The following ACCSL variants were observed in gnomAD, a reference collection of about 807,000 sequenced individuals.
ACCSL encodes the protein probable inactive 1-aminocyclopropane-1-carboxylate synthase-like protein 2.
ACCSL carries 55 observed loss-of-function variants against 61.7 expected under a neutral mutation model. That is an observed-to-expected ratio of 0.89 (90% CI 0.72 to 1.12). The LOEUF is 1.12. Ranked by LOEUF, ACCSL falls within the 50% of genes most tolerant of loss-of-function variation. The pLI is 0.00. For missense variants in ACCSL, 632 were observed against 698.0 expected (o/e 0.91, Z 1.07); for synonymous variants, 258 against 264.3 (o/e 0.98, Z 0.23).
the ACCSL span, among the ~76,000 whole-genome samples, chr11:44,030,055 TGA>T: frequency 8.5e-6 from 1 of 117,986 alleles, no homozygotes; most frequent in Non-Finnish European, 1.7e-5. Context: ...TTTCTTTGGT[TGA>T]TTTTTTTTTT....
chr11:43,925,934 A>G, the ACCSL span, among the ~76,000 whole-genome samples: 1 of 152,132 alleles, frequency 6.6e-6, no homozygotes, highest in Non-Finnish European at 1.5e-5. Context: ...ACCATTTCAC[A>G]TGCCCTGCTA....
the ACCSL span, among the ~76,000 whole-genome samples, chr11:43,988,806 CTTTTTTTTTTT>C: frequency 3.6e-4 from 35 of 97,204 alleles, no homozygotes; most frequent in Non-Finnish European, 2.5e-4. Flanking sequence ...ATTCTCTCTT[CTTTTTTTTTTT>C]TTTTTTTTTT....
At chr11:43,936,237 G>A in the ACCSL span, among the ~76,000 whole-genome samples, 474 of 152,238 alleles carry the variant, frequency 3.1e-3, 1 homozygote, top group African/African-American at 0.011. Flanking sequence ...AGCGTTGCTC[G>A]GGCTGGCTTC....
At chr11:43,923,484 T>A in the ACCSL span, among the ~76,000 whole-genome samples, 1 of 152,218 alleles carries the variant, frequency 6.6e-6, no homozygotes, top group Non-Finnish European at 1.5e-5. Context: ...CAGAGGGACC[T>A]GGTCTACAAC....
At chr11:43,996,168 C>T in the ACCSL span, among the ~76,000 whole-genome samples, 8 of 152,334 alleles carry the variant, frequency 5.3e-5, no homozygotes, top group African/African-American at 1.4e-4. Context: ...CTGCTGACAC[C>T]TTGATCTCAG....
the ACCSL span, among the ~76,000 whole-genome samples, chr11:43,931,951 A>C: frequency 6.6e-6 from 1 of 152,010 alleles, no homozygotes; most frequent in Non-Finnish European, 1.5e-5. Flanking sequence ...TGGTGTTCAC[A>C]GGGCAGCCTG....
At chr11:43,990,696 C>G in the ACCSL span, among the ~76,000 whole-genome samples, 2 of 152,144 alleles carry the variant, frequency 1.3e-5, no homozygotes, top group African/African-American at 2.4e-5. Flanking sequence ...TTGCTTCTGC[C>G]TCCTAGATTT....
chr11:43,995,275 T>A, the ACCSL span: 6 of 152,098 alleles, frequency 3.9e-5, no homozygotes, highest in Non-Finnish European at 8.8e-5. Context: ...CAAGTTGTGA[T>A]GTTCAGATCC....
chr11:43,934,102 C>G, the ACCSL span, among the ~76,000 whole-genome samples: 58 of 152,230 alleles, frequency 3.8e-4, 1 homozygote, highest in South Asian at 1.9e-3. Context: ...GTCTTGGACT[C>G]TCTTCTTCCC....
At chr11:43,952,473 T>A in the ACCSL span, among the ~76,000 whole-genome samples, 72 of 152,352 alleles carry the variant, frequency 4.7e-4, no homozygotes, top group Non-Finnish European at 8.2e-4. Flanking sequence ...ACCCTGGGTC[T>A]GGTTAAATAT....
At chr11:44,030,057 ATTT>A in the ACCSL span, among the ~76,000 whole-genome samples, 13 of 4,454 alleles carry the variant, frequency 2.9e-3, no homozygotes, top group African/African-American at 0.011. Context: ...TCTTTGGTTG[ATTT>A]TTTTTTTTTT....
the ACCSL span, among the ~76,000 whole-genome samples, chr11:43,971,193 C>T: frequency 3.7e-4 from 56 of 150,128 alleles, no homozygotes; most frequent in African/African-American, 1.2e-3. Context: ...ATTAGCCGGG[C>T]ATGGTGGCAC....
At chr11:43,980,065 A>G in the ACCSL span, among the ~76,000 whole-genome samples, 1 of 152,206 alleles carries the variant, frequency 6.6e-6, no homozygotes, top group Non-Finnish European at 1.5e-5. Context: ...CTTGCTGTTT[A>G]TAGAATTGTG....
chr11:43,995,404 A>G, the ACCSL span: 1 of 152,232 alleles, frequency 6.6e-6, no homozygotes, highest in Non-Finnish European at 1.5e-5. Context: ...CACATGGAGG[A>G]CACACATGAG....
the ACCSL span, among the ~76,000 whole-genome samples, chr11:43,940,703 G>T: frequency 3.3e-5 from 5 of 151,946 alleles, no homozygotes; most frequent in South Asian, 1.0e-3. Context: ...TCAAGTGATT[G>T]TCCCCCCTTC....
At chr11:43,968,240 C>T in the ACCSL span, among the ~76,000 whole-genome samples, 5 of 147,950 alleles carry the variant, frequency 3.4e-5, no homozygotes, top group African/African-American at 1.3e-4. Flanking sequence ...GGGTGAGACC[C>T]TTTAGGGTGA....
the ACCSL span, among the ~76,000 whole-genome samples, chr11:43,992,703 C>T: frequency 6.6e-6 from 1 of 152,252 alleles, no homozygotes; most frequent in Non-Finnish European, 1.5e-5. Context: ...GTGCCATCCC[C>T]ACTACCAGCT....
At chr11:43,942,878 C>T in the ACCSL span, 2 of 1,289,160 alleles carry the variant, frequency 1.6e-6, no homozygotes, top group Non-Finnish European at 9.8e-7. Context: ...CGCCCCGCCG[C>T]CCGGCCCCGC....
the ACCSL span, among the ~76,000 whole-genome samples, chr11:43,963,566 G>A: frequency 0.057 from 8,619 of 152,256 alleles, 318 homozygotes; most frequent in South Asian, 0.1. Flanking sequence ...ATGAAGCAAA[G>A]CTGTCTGCTC....
Sources: gnomAD v4.1 joint callset for allele counts (sites outside exome capture counted in the v4.1 genomes callset) on GRCh38, gnomAD v4.1.1 for gene constraint, MANE v1.5 for transcripts, NCBI Gene and HGNC (gene_info 2026-07-23, HGNC 2026-07-21) for gene names.